Variants in PARP10 observed in about 807,000 individuals in gnomAD.
The protein encoded by PARP10 is protein mono-ADP-ribosyltransferase PARP10.
PARP10 carries 56 observed loss-of-function variants against 82.4 expected under a neutral mutation model. The observed-to-expected ratio is 0.68, with a 90% confidence interval of 0.55 to 0.85. The LOEUF (loss-of-function observed/expected upper bound fraction) is 0.85. Among genes scored for constraint, PARP10 ranks in the 40% least tolerant of loss-of-function variants. The pLI is 0.00. For missense variants in PARP10, 1,227 were observed against 1,379.4 expected (o/e 0.89, Z 1.75); for synonymous variants, 576 against 601.1 (o/e 0.96, Z 0.61).
Position 143,978,044 on chromosome 8 carries a change from T to C in PARP10, c.2594A>G (p.Tyr865Cys). The change falls in exon 10 of 11, where the codon TAT (tyrosine) becomes TGT (cysteine). Residue 865 changes from tyrosine (Y) to cysteine (C), a missense_variant. Coordinates refer to ENST00000313028, the MANE Select transcript of PARP10 (RefSeq NM_032789.5). The stretch of plus-strand genomic sequence containing the variant: ...CAGCAGGCGCTCCCGGTACAGCTCA[T>C]ACTGCTGCTGCAGCAGCGGGTGCGA... ...RVSHPLLQQQ[Y>C]ELYRERLLQR... The C allele has an allele frequency of 6.4e-7, 1 of 1,559,996 alleles. No individual in the cohort carries two copies. The highest frequency in any genetic ancestry group is 8.6e-7 in the Non-Finnish European group (1 of 1,156,954).
chr8:143,984,150 G>C (rs781939713), intron 6 of PARP10, 46 bp from the exon 7 acceptor site: 3 of 1,576,912 alleles, frequency 1.9e-6, no homozygotes, highest in Non-Finnish European at 2.6e-6. Flanking sequence ...GGCAAGGGCA[G>C]AGGAGGCCTG....
At chr8:144,010,308 AC>A (rs1834266005) in intron 1 of PARP10, among the ~76,000 whole-genome samples, 1 of 152,134 alleles carries the variant, frequency 6.6e-6, no homozygotes, top group Admixed American at 6.5e-5. Context: ...CTAGCACTGA[AC>A]CCCCAATTCC....
chr8:144,006,605 A>G (rs1834238473), intron 1 of PARP10, among the ~76,000 whole-genome samples: 2 of 152,314 alleles, frequency 1.3e-5, no homozygotes, highest in South Asian at 2.1e-4. Context: ...GGAGTCTGCT[A>G]TGGACTAAAT....
chr8:143,997,414 C>T (rs1554751376), intron 1 of PARP10, among the ~76,000 whole-genome samples: 1 of 152,132 alleles, frequency 6.6e-6, no homozygotes, highest in Non-Finnish European at 1.5e-5. Context: ...GACTCGAGTA[C>T]CAAGCTCAAA....
intron 1 of PARP10, among the ~76,000 whole-genome samples, chr8:144,012,225 T>A (rs1176710438): frequency 7.2e-5 from 11 of 151,966 alleles, no homozygotes; most frequent in Non-Finnish European, 1.5e-4. Context: ...GGAGAGGAAG[T>A]TTCACGGAAG....
chr8:143,984,060 G>A lies in PARP10; in HGVS notation c.1725C>T (p.His575=). The change falls in exon 7 of 11, where the codon CAC becomes CAT. Residue 575 remains histidine (H), a synonymous_variant. Coordinates refer to ENST00000313028, the MANE Select transcript of PARP10 (RefSeq NM_032789.5). The stretch of plus-strand genomic sequence containing the variant: ...CTGTACTGTCTGGGGTCCACAGGGT[G>A]TGGGCGTTGCCAGGGAGCACTGGGA... ...EALPVLPGNA[H]TLWTPDSTGG... is the part of the protein sequence containing the mutation. 1 of 1,547,546 alleles carries A rather than the reference G, an allele frequency of 6.5e-7. No individual in the cohort carries two copies.
upstream of PARP10, among the ~76,000 whole-genome samples, chr8:143,994,888 C>T (rs1352984522): frequency 2.0e-5 from 3 of 152,212 alleles, no homozygotes; most frequent in Admixed American, 2.0e-4. Flanking sequence ...AGCTCCCAGA[C>T]CCCTCAGGAT....
At chr8:143,987,827 G>C (rs184824502), upstream of PARP10, among the ~76,000 whole-genome samples, 1 of 151,984 alleles carries the variant, frequency 6.6e-6, no homozygotes, top group Non-Finnish European at 1.5e-5. Context: ...GGAGGTGGAG[G>C]TTGCAGTGAG....
chr8:143,996,805 C>T (rs1046635202), intron 1 of PARP10, among the ~76,000 whole-genome samples: 20 of 152,148 alleles, frequency 1.3e-4, no homozygotes, highest in Admixed American at 9.2e-4. Flanking sequence ...AAGGAGAGGA[C>T]GCATGGGAGA....
chr8:144,002,883 C>T (rs1834211735), intron 1 of PARP10, among the ~76,000 whole-genome samples: 1 of 152,076 alleles, frequency 6.6e-6, no homozygotes. Context: ...TTGAGACCTG[C>T]CTAGGGAATA....
chr8:143,978,015 G>T lies in PARP10; in HGVS notation c.2623C>A (p.Arg875=). 4 of 1,585,460 alleles carry T rather than the reference G, an allele frequency of 2.5e-6. No homozygotes were observed. The highest frequency in any genetic ancestry group is 1.7e-6 in the Non-Finnish European group (2 of 1,172,290). ...YELYRERLLQ[R]CERRPVEQVL... ...TGCTCCACCGGGCGCCGCTCGCATC[G>T]CTGCAGCAGGCGCTCCCGGTACAGC... The change falls in exon 10 of 11, where the codon CGA becomes AGA. Residue 875 remains arginine (R), a synonymous_variant. Coordinates refer to ENST00000313028, the MANE Select transcript of PARP10 (RefSeq NM_032789.5).
rs782421952 is a variant in PARP10, at chr8:143,984,895, C to A, written c.1107G>T (p.Gly369=). 97 of 1,613,830 alleles carry A rather than the reference C, an allele frequency of 6.0e-5. No homozygotes were observed. The highest frequency in any genetic ancestry group is 8.1e-5 in the Non-Finnish European group (96 of 1,179,984). ...HEGLVSLRPV[G]LQEQEGPMSL... ...TCATGGGCCCCTCCTGTTCCTGCAACCCCACAGGCCTCAGGCTTACCAGCC... is the reference window on the plus strand; with the variant it reads ...TCATGGGCCCCTCCTGTTCCTGCAAACCCACAGGCCTCAGGCTTACCAGCC... Residue 369 remains glycine, a synonymous_variant, in exon 5 of 11, where the codon GGG becomes GGT. Transcript: ENST00000313028.
upstream of PARP10, chr8:143,991,765 C>T (rs1554750547): frequency 1.2e-6 from 2 of 1,613,714 alleles, no homozygotes; most frequent in Non-Finnish European, 1.7e-6. Flanking sequence ...CTGCCACCAA[C>T]TGGGATGACA....
chr8:143,985,983 C>A lies in PARP10; in HGVS notation c.182-8G>T. 6.3e-7 allele frequency: 1 copy of A among 1,594,152 alleles called. No individual in the cohort carries two copies. The highest frequency in any genetic ancestry group is 1.3e-5 in the African/African-American group (1 of 74,666). On this transcript the variant is annotated splice_region_variant and splice_polypyrimidine_tract_variant and intron_variant, in intron 2 of 10. Coordinates refer to ENST00000313028, the MANE Select transcript of PARP10 (RefSeq NM_032789.5). ...CCAAGACCCTCTCGGCGTCTGTGGG[C>A]AGGGGCGGGGCAGGATGTCAGGCAT...
intron 1 of PARP10, among the ~76,000 whole-genome samples, chr8:144,003,386 G>A (rs144290510): frequency 0.013 from 1,713 of 136,912 alleles, 15 homozygotes; most frequent in Middle Eastern, 0.023. Flanking sequence ...TTGAGATTGC[G>A]CCACTGCACT....
Position 143,982,287 on chromosome 8 carries a change from G to A in PARP10, c.2556+645C>T, listed in dbSNP as rs186007296. Among the ~76,000 whole-genome samples the A allele has an allele frequency of 2.5e-3, 387 of 152,222 alleles. 6 individuals carry two copies. Among genetic ancestry groups the A allele is most frequent in the African/African-American group, 8.6e-3 (357 of 41,526 alleles). On this transcript the variant is annotated intron_variant, in intron 9 of 10. Transcript: ENST00000313028. ...GATCGAGACCATCCTGGCTAACATG[G>A]TGAAACCCCGTCTCCACTAAAAATA...
chr8:143,983,589 TGAGGCTCCAGTGACC>T lies in PARP10; in HGVS notation c.1985_1999del (p.Arg662_Pro666del), dbSNP rs782051874. The T allele has an allele frequency of 6.2e-7, 1 of 1,605,986 alleles. No individual in the cohort carries two copies. The highest frequency in any genetic ancestry group is 8.5e-7 in the Non-Finnish European group (1 of 1,176,268). On this transcript the variant is annotated inframe_deletion, in exon 8 of 11. Transcript: ENST00000313028. Reference sequence around the variant, plus strand: ...CTCCTCCTGCTCAGCCACCTGACCTTGAGGCTCCAGTGACCGGTGGAGGGCCAGCTGCAGAGCGGC... The same window carrying T: ...CTCCTCCTGCTCAGCCACCTGACCTTGGTGGAGGGCCAGCTGCAGAGCGGC...
At position 143,977,984 on chromosome 8, in the gene PARP10, A is replaced by T; in HGVS notation, c.2654T>A (p.Leu885Gln). 1.9e-6 allele frequency: 3 copies of T among 1,597,646 alleles called. No individual in the cohort carries two copies. Among genetic ancestry groups the T allele is most frequent in the Non-Finnish European group, 2.5e-6 (3 of 1,178,492 alleles). ...TGCCGGTGCCGTCGTGCCGTGGTAC[A>T]GCACCTGCTCCACCGGGCGCCGCTC... is the stretch of plus-strand genomic sequence containing the variant. ...RCERRPVEQV[L>Q]YHGTTAPAVP... The change falls in exon 10 of 11, where the codon CTG (leucine) becomes CAG (glutamine). Residue 885 changes from leucine (L) to glutamine (Q), a missense_variant. By Grantham distance (113) the Leu-to-Gln change is moderately radical. Coordinates refer to ENST00000313028, the MANE Select transcript of PARP10 (RefSeq NM_032789.5).
At chr8:144,012,599 G>A (rs1554752617) in exon 1 of PARP10, 3 of 1,551,734 alleles carry the variant, frequency 1.9e-6, no homozygotes, top group Non-Finnish European at 2.6e-6. Flanking sequence ...AGAAGTTGGT[G>A]CGGCTCATTC....
Sources: allele counts gnomAD v4.1 joint callset (sites outside exome capture counted in the v4.1 genomes callset), GRCh38; gene constraint gnomAD v4.1.1; transcripts MANE v1.5; gene names NCBI Gene and HGNC (gene_info 2026-07-23, HGNC 2026-07-21).